CMC1: variants seen among roughly 807,000 people sequenced by gnomAD.
CMC1 encodes the protein COX assembly mitochondrial protein homolog.
CMC1 carries 14 observed loss-of-function variants against 14.1 expected under a neutral mutation model. The ratio of observed to expected loss-of-function variants is 0.99; its 90% confidence interval spans 0.66 to 1.55. The LOEUF is 1.55. CMC1 is among the 40% of genes most tolerant of loss of function. CMC1 has a pLI of 0.00. For missense variants in CMC1, 127 were observed against 123.8 expected (o/e 1.03, Z -0.12); for synonymous variants, 50 against 38.4 (o/e 1.30, Z -1.12).
In CMC1 at chr3:28,320,187, T is replaced by C. The variant is rs555683424; in HGVS notation, c.*558T>C. On this transcript the variant is annotated 3_prime_UTR_variant, in exon 4 of 4. Transcript: ENST00000466830. ...GCTTCAGACCTGGTACATGCTCTTA[T>C]ATTGGTAGTTACTGTTAGTAGTAGT... is the stretch of plus-strand genomic sequence containing the variant. The C allele has an allele frequency of 4.9e-4, 74 of 151,790 alleles. No individual in the cohort carries two copies. The highest frequency in any genetic ancestry group is 1.8e-3 in the African/African-American group (73 of 41,488). 9.4% of individuals were successfully genotyped at this position (151,790 alleles called of 1,614,324 possible). A position where few individuals can be genotyped will look rare whatever the true frequency, so the allele number is the denominator to read the frequency against.
chr3:28,322,195 C>T lies in CMC1; in HGVS notation c.*2566C>T, dbSNP rs1577114964. 1 of 151,138 alleles carries T rather than the reference C, an allele frequency of 6.6e-6. No individual in the cohort carries two copies. Among genetic ancestry groups the T allele is most frequent in the African/African-American group, 2.4e-5 (1 of 41,300 alleles). The allele number at this position is 151,138 out of a possible 1,614,324, so 9.4% of individuals were successfully genotyped here. On this transcript the variant is annotated 3_prime_UTR_variant, in exon 4 of 4. Coordinates refer to ENST00000466830, the MANE Select transcript of CMC1 (RefSeq NM_182523.2). ...TCACAGTCACTGACTTTTTAGTATA[C>T]CTGTTTGATAGCTATCATCACTGTA... is the stretch of plus-strand genomic sequence containing the variant.
At chr3:28,299,059 A>G (rs374073823) in intron 2 of CMC1, among the ~76,000 whole-genome samples, 6 of 152,240 alleles carry the variant, frequency 3.9e-5, no homozygotes, top group African/African-American at 1.2e-4. Context: ...GTTGTTTTAA[A>G]CAAGTCAAGT....
intron 2 of CMC1, among the ~76,000 whole-genome samples, chr3:28,270,092 T>G (rs887926631): frequency 6.6e-6 from 1 of 152,008 alleles, no homozygotes; most frequent in Non-Finnish European, 1.5e-5. Context: ...ATGTCCCTCA[T>G]TCCTTTTTAT....
At chr3:28,280,646 TA>T (rs1700838760) in intron 2 of CMC1, among the ~76,000 whole-genome samples, 1 of 152,140 alleles carries the variant, frequency 6.6e-6, no homozygotes, top group South Asian at 2.1e-4. Flanking sequence ...AAGGAAATGA[TA>T]AGAGATGTAC....
At chr3:28,245,239 AT>A (rs983893655) in intron 1 of CMC1, among the ~76,000 whole-genome samples, 15 of 152,166 alleles carry the variant, frequency 9.9e-5, no homozygotes, top group African/African-American at 3.6e-4. Flanking sequence ...CAGCGAAAAA[AT>A]GCAGGTTACA....
intron 2 of CMC1, among the ~76,000 whole-genome samples, chr3:28,280,594 C>A (rs1028614220): frequency 6.6e-6 from 1 of 152,100 alleles, no homozygotes; most frequent in African/African-American, 2.4e-5. Context: ...ATAAATGTGG[C>A]TACTCTCTTA....
chr3:28,255,734 C>CAA (rs1699370636), intron 1 of CMC1, among the ~76,000 whole-genome samples: 1 of 148,906 alleles, frequency 6.7e-6, no homozygotes, highest in African/African-American at 2.4e-5. Context: ...CACACACACA[C>CAA]ACACACACAC....
rs1313432088 is a variant in CMC1 at position 28,323,117 on chromosome 3, GAAT to G, written c.*3490_*3492del. 6.6e-6 allele frequency: 1 copy of G among 150,924 alleles called. No homozygotes were observed. The highest frequency in any genetic ancestry group is 2.1e-4 in the South Asian group (1 of 4,814). 9.3% of individuals were successfully genotyped at this position (150,924 alleles called of 1,614,324 possible). On this transcript the variant is annotated 3_prime_UTR_variant, in exon 4 of 4. Coordinates refer to ENST00000466830, the MANE Select transcript of CMC1 (RefSeq NM_182523.2). Reference sequence around the variant, plus strand: ...TTTTAAATCACTTTCTCAATAAATAGAATATTACATTTCAACACAAAGTCTAAC... The same window carrying G: ...TTTTAAATCACTTTCTCAATAAATAGATTACATTTCAACACAAAGTCTAAC...
chr3:28,257,947 C>G, intron 1 of CMC1, among the ~76,000 whole-genome samples: 1 of 151,894 alleles, frequency 6.6e-6, no homozygotes, highest in Non-Finnish European at 1.5e-5. Context: ...AGATGCTTCA[C>G]ATTCTCTCCA....
intron 2 of CMC1, among the ~76,000 whole-genome samples, chr3:28,276,471 A>G (rs1311867594): frequency 6.6e-6 from 1 of 152,190 alleles, no homozygotes; most frequent in East Asian, 1.9e-4. Context: ...TTTTACTAAT[A>G]CTTCATTAAC....
intron 2 of CMC1, among the ~76,000 whole-genome samples, chr3:28,274,219 T>TTTTG (rs1700455263): frequency 1.6e-5 from 2 of 126,196 alleles, no homozygotes; most frequent in Admixed American, 8.8e-5. Flanking sequence ...TTTGTTTTTT[T>TTTTG]CTTTTTTTTT....
rs1041950014 is a variant in CMC1 at position 28,276,741 on chromosome 3, C to G, written c.109+13361C>G. Among the ~76,000 whole-genome samples, 24 of 152,220 alleles carry G rather than the reference C, an allele frequency of 1.6e-4. 1 individual carries two copies. In the South Asian group the frequency reaches 1.9e-3, roughly 12 times the overall value. On this transcript the variant is annotated intron_variant, in intron 2 of 3. Transcript: ENST00000466830. ...AATACCCACAGATAATCATATTTTA[C>G]TGAAATACATTTTTATAGGAATCTT...
At chr3:28,307,798 T>G (rs1477475687) in intron 2 of CMC1, among the ~76,000 whole-genome samples, 1 of 152,216 alleles carries the variant, frequency 6.6e-6, no homozygotes, top group Non-Finnish European at 1.5e-5. Flanking sequence ...CAATACAAAT[T>G]CATTGTATCA....
intron 1 of CMC1, among the ~76,000 whole-genome samples, chr3:28,260,720 T>C (rs912072331): frequency 6.6e-6 from 1 of 152,034 alleles, no homozygotes; most frequent in Non-Finnish European, 1.5e-5. Context: ...TCTAGATAGG[T>C]TTTTAGTGCT....
At chr3:28,311,079 T>C (rs1702617401) in intron 2 of CMC1, among the ~76,000 whole-genome samples, 2 of 152,196 alleles carry the variant, frequency 1.3e-5, no homozygotes, top group Non-Finnish European at 1.5e-5. Flanking sequence ...ACCCCTGTTG[T>C]AAAAGATGTT....
intron 1 of CMC1, among the ~76,000 whole-genome samples, chr3:28,258,469 AG>A (rs1384858072): frequency 1.3e-5 from 2 of 150,124 alleles, no homozygotes; most frequent in African/African-American, 4.9e-5. Context: ...ACTGTGAAGT[AG>A]GGGGTCAAAG....
chr3:28,318,273 G>A (rs930706635), intron 3 of CMC1: 2 of 151,398 alleles, frequency 1.3e-5, no homozygotes, highest in Non-Finnish European at 2.9e-5. Flanking sequence ...TCACATCACT[G>A]AACCTGCTCT....
Position 28,323,274 on chromosome 3 carries a change from T to C in CMC1, c.*3645T>C, listed in dbSNP as rs1254705303. On this transcript the variant is annotated 3_prime_UTR_variant, in exon 4 of 4. Transcript: ENST00000466830. ...AGGGCAGATTAGACTGAAATCTGTG[T>C]GATGCTCCTTCTACTACTTATTGAA... is the stretch of plus-strand genomic sequence containing the variant. 6.6e-6 allele frequency: 1 copy of C among 151,270 alleles called. No individual in the cohort carries two copies. The highest frequency in any genetic ancestry group is 1.9e-4 in the East Asian group (1 of 5,148). The allele number at this position is 151,270 out of a possible 1,614,324, so 9.4% of individuals were successfully genotyped here.
chr3:28,282,032 TA>T lies in CMC1; in HGVS notation c.109+18660del, dbSNP rs559105560. Among the ~76,000 whole-genome samples the T allele has an allele frequency of 3.0e-3, 463 of 152,136 alleles. 2 individuals are homozygous for T. Among genetic ancestry groups the T allele is most frequent in the Non-Finnish European group, 5.3e-3 (363 of 67,958 alleles). On this transcript the variant is annotated intron_variant, in intron 2 of 3. Transcript: ENST00000466830. ...CAGAAGTTTAGATTTGATTTCTGGT[TA>T]AAAAAAATCAGAAGAATTTGAAATC...
Sources: allele counts gnomAD v4.1 joint callset (sites outside exome capture counted in the v4.1 genomes callset), GRCh38; gene constraint gnomAD v4.1.1; transcripts MANE v1.5; gene names NCBI Gene and HGNC (gene_info 2026-07-23, HGNC 2026-07-21).